The following FGGY variants were observed in gnomAD, a reference collection of about 807,000 sequenced individuals.
FGGY encodes FGGY carbohydrate kinase domain containing.
In FGGY, 72 loss-of-function variants were observed where a neutral mutation model predicts 71.3. That is an observed-to-expected ratio of 1.01 (90% CI 0.84 to 1.23). The LOEUF is 1.23. FGGY is among the 50% of genes most tolerant of loss of function. The pLI is 0.00. For synonymous variants in FGGY, 251 were observed against 250.3 expected (o/e 1.00, Z -0.02); for missense variants, 668 against 682.3 (o/e 0.98, Z 0.23).
chr1:59,448,048 T>G (rs2071729227), intron 5 of FGGY, among the ~76,000 whole-genome samples: 1 of 152,106 alleles, frequency 6.6e-6, no homozygotes, highest in Non-Finnish European at 1.5e-5. Context: ...CCTGAACTTT[T>G]TGGGTCTCTG....
At position 59,581,203 on chromosome 1, in the gene FGGY, T is replaced by C. The variant is rs548102134; in HGVS notation, c.904-26600T>C. Among the ~76,000 whole-genome samples, 30 of 150,148 alleles carry C rather than the reference T, an allele frequency of 2.0e-4. 3 individuals carry two copies. The highest frequency in any genetic ancestry group is 7.5e-4 in the African/African-American group (30 of 39,788). ...TGACAAAACTTGGAAAAGTTAAAAA[T>C]TCACAGATGAACAAATGCTTTTTCT... On this transcript the variant is annotated intron_variant, in intron 8 of 15. Transcript: ENST00000303721.
rs111771624 is a variant in FGGY, at chr1:59,611,630, C to T, written c.1011+3720C>T. ...AAGGAACGCAGCTCCTCACCAGCAACGGAACAAAGCTGGACGGAGTATGAC... is the reference window on the plus strand; with the variant it reads ...AAGGAACGCAGCTCCTCACCAGCAATGGAACAAAGCTGGACGGAGTATGAC... On this transcript the variant is annotated intron_variant, in intron 9 of 15. Coordinates refer to ENST00000303721, the MANE Select transcript of FGGY (RefSeq NM_018291.5). 7.7e-3 allele frequency among the ~76,000 whole-genome samples: 1,178 copies of T among 152,254 alleles called. 18 individuals are homozygous for T. Among genetic ancestry groups the T allele is most frequent in the African/African-American group, 0.027 (1,112 of 41,532 alleles).
intron 9 of FGGY, among the ~76,000 whole-genome samples, chr1:59,614,661 G>A (rs1399139090): frequency 1.3e-5 from 2 of 152,078 alleles, no homozygotes; most frequent in Non-Finnish European, 2.9e-5. Flanking sequence ...CAATCAGGCA[G>A]GAGAAGGAAA....
chr1:59,585,519 T>G (rs1196773203), intron 8 of FGGY, among the ~76,000 whole-genome samples: 2 of 152,102 alleles, frequency 1.3e-5, no homozygotes, highest in Admixed American at 6.5e-5. Context: ...AAAAATTAAT[T>G]CAAAATGGAT....
At chr1:59,543,382 G>A (rs936294323) in intron 7 of FGGY, among the ~76,000 whole-genome samples, 2 of 148,588 alleles carry the variant, frequency 1.3e-5, no homozygotes, top group Admixed American at 6.6e-5. Flanking sequence ...CAACATCCAG[G>A]TTCAGAATCT....
At position 59,321,603 on chromosome 1, in the gene FGGY, A is replaced by G; in HGVS notation, c.54A>G (p.Gly18=). 6.2e-7 allele frequency: 1 copy of G among 1,613,946 alleles called. No homozygotes were observed. Among genetic ancestry groups the G allele is most frequent in the Non-Finnish European group, 8.5e-7 (1 of 1,179,860 alleles). Residue 18 remains glycine, a synonymous_variant, in exon 2 of 16, where the codon GGA becomes GGG. Coordinates refer to ENST00000303721, the MANE Select transcript of FGGY (RefSeq NM_018291.5). ...PERYYVGVDV[G]TGSVRAALVD... is the part of the protein sequence containing the mutation. The stretch of plus-strand genomic sequence containing the variant: ...GGTACTATGTGGGTGTGGACGTTGG[A>G]ACAGGCAGTGTCCGTGCAGCTCTGG...
intron 8 of FGGY, among the ~76,000 whole-genome samples, chr1:59,587,061 G>T (rs2096307501): frequency 6.6e-6 from 1 of 152,028 alleles, no homozygotes; most frequent in Non-Finnish European, 1.5e-5. Context: ...GGTGACAGAT[G>T]GCACCTGGAA....
chr1:59,732,338 G>T (rs1235265852), intron 14 of FGGY, among the ~76,000 whole-genome samples: 2 of 152,092 alleles, frequency 1.3e-5, no homozygotes, highest in South Asian at 2.1e-4. Context: ...GGCCTCTCTT[G>T]TGCTCCTCTG....
chr1:59,730,047 A>G (rs557203215), intron 14 of FGGY, among the ~76,000 whole-genome samples: 2 of 152,292 alleles, frequency 1.3e-5, no homozygotes, highest in Non-Finnish European at 2.9e-5. Context: ...AACCGATGAA[A>G]GTGTGGGCCC....
chr1:59,371,706 G>A (rs1310592789), intron 4 of FGGY, among the ~76,000 whole-genome samples: 18 of 152,190 alleles, frequency 1.2e-4, no homozygotes, highest in East Asian at 9.6e-4. Context: ...ATAACAAACT[G>A]TCTCTCAGAC....
intron 8 of FGGY, among the ~76,000 whole-genome samples, chr1:59,562,558 A>C (rs761603560): frequency 6.6e-6 from 1 of 152,220 alleles, no homozygotes. Flanking sequence ...CTTTTATAGA[A>C]ATGGAATGTC....
intron 7 of FGGY, among the ~76,000 whole-genome samples, chr1:59,551,800 A>G (rs2095612355): frequency 6.6e-6 from 1 of 152,188 alleles, no homozygotes; most frequent in South Asian, 2.1e-4. Flanking sequence ...AGTTTGTTGT[A>G]AGAATAAAAT....
rs116023928 is a variant in FGGY, at chr1:59,702,685, T to C, written c.1512+28552T>C. ...TGCTGTACTACTCTCTTGTGTGACA[T>C]TGAGCAACTAGCCATCTTCAAACCC... On this transcript the variant is annotated intron_variant, in intron 14 of 15. Coordinates refer to ENST00000303721, the MANE Select transcript of FGGY (RefSeq NM_018291.5). Among the ~76,000 whole-genome samples the C allele has an allele frequency of 1.9e-3, 283 of 152,290 alleles. 1 individual carries two copies. Among genetic ancestry groups the C allele is most frequent in the African/African-American group, 6.4e-3 (266 of 41,564 alleles).
chr1:59,622,569 T>A (rs1185736295), intron 9 of FGGY, among the ~76,000 whole-genome samples: 2 of 152,188 alleles, frequency 1.3e-5, no homozygotes, highest in African/African-American at 4.8e-5. Context: ...ACTTCTGGTG[T>A]TCCCATGCAC....
In FGGY at chr1:59,721,337, G is replaced by GTTTTTTTTTTTT. The variant is rs71046339; in HGVS notation, c.1513-36586_1513-36575dup. On this transcript the variant is annotated intron_variant, in intron 14 of 15. Transcript: ENST00000303721. ...AGAGAGTTTTTCTTTTCTTTCCTTTGTTTTTTTTTTTTTTTTTTTGAGACG... is the reference window on the plus strand; with the variant it reads ...AGAGAGTTTTTCTTTTCTTTCCTTTGTTTTTTTTTTTTTTTTTTTTTTTTTTTTTTTGAGACG... Among the ~76,000 whole-genome samples, 783 of 105,270 alleles carry GTTTTTTTTTTTT rather than the reference G, an allele frequency of 7.4e-3. 88 individuals are homozygous for GTTTTTTTTTTTT. Among genetic ancestry groups the GTTTTTTTTTTTT allele is most frequent in the East Asian group, 0.022 (68 of 3,106 alleles). 69.1% of individuals were successfully genotyped at this position (105,270 alleles called of 152,430 possible).
At chr1:59,394,528 T>C (rs1457060628) in intron 5 of FGGY, among the ~76,000 whole-genome samples, 2 of 152,208 alleles carry the variant, frequency 1.3e-5, no homozygotes, top group Non-Finnish European at 2.9e-5. Context: ...GTTGCGGGAT[T>C]GAACAGGTTC....
intron 5 of FGGY, among the ~76,000 whole-genome samples, chr1:59,442,564 G>A (rs999338814): frequency 5.9e-5 from 9 of 152,038 alleles, no homozygotes; most frequent in Non-Finnish European, 1.0e-4. Flanking sequence ...TCCTTTTAAT[G>A]TTTTTACCTC....
At chr1:59,722,559 A>G (rs1379528033) in intron 14 of FGGY, among the ~76,000 whole-genome samples, 1 of 152,212 alleles carries the variant, frequency 6.6e-6, no homozygotes, top group South Asian at 2.1e-4. Flanking sequence ...ATTTTTGGTT[A>G]TAATCCAGTA....
intron 5 of FGGY, among the ~76,000 whole-genome samples, chr1:59,407,049 G>C (rs1281895906): frequency 6.6e-6 from 1 of 152,212 alleles, no homozygotes; most frequent in African/African-American, 2.4e-5. Context: ...GGCAAGGCAA[G>C]AGAAAGAGAA....
Sources: allele counts gnomAD v4.1 joint callset (sites outside exome capture counted in the v4.1 genomes callset), GRCh38; gene constraint gnomAD v4.1.1; transcripts MANE v1.5; gene names NCBI Gene and HGNC (gene_info 2026-07-23, HGNC 2026-07-21).